AOPEP: variants seen among roughly 807,000 people sequenced by gnomAD.
AOPEP encodes the protein aminopeptidase O (putative), also known as aminopeptidase O.
A neutral mutation model predicts 98.1 loss-of-function variants in AOPEP; 77 were observed. The ratio of observed to expected loss-of-function variants is 0.78; its 90% CI spans 0.65 to 0.95. The LOEUF (loss-of-function observed/expected upper bound fraction) is 0.95, where lower values mean the gene tolerates loss of function less well. Among genes scored for constraint, AOPEP ranks in the 40% least tolerant of loss-of-function variants. The pLI, the probability that AOPEP is intolerant of heterozygous loss-of-function variation, is 0.00. For missense variants in AOPEP, 1,024 were observed against 1,024.7 expected, an observed-to-expected ratio of 1.00 and a Z score of 0.01; for synonymous variants, 346 against 365.3, an observed-to-expected ratio of 0.95 and a Z score of 0.60.
intron 16 of AOPEP, among the ~76,000 whole-genome samples, chr9:95,083,211 C>T (rs981866191): frequency 1.3e-5 from 2 of 152,122 alleles, no homozygotes; most frequent in South Asian, 2.1e-4. Context: ...GGGCTGTCCA[C>T]GCCTGGTCAT....
At chr9:95,046,827 C>T (rs2065907581) in intron 13 of AOPEP, among the ~76,000 whole-genome samples, 1 of 152,186 alleles carries the variant, frequency 6.6e-6, no homozygotes, top group Non-Finnish European at 1.5e-5. Context: ...GTAAGAATGT[C>T]ATCTTACTTC....
intron 5 of AOPEP, among the ~76,000 whole-genome samples, chr9:94,908,107 G>A (rs778687055): frequency 6.6e-6 from 1 of 152,150 alleles, no homozygotes; most frequent in Non-Finnish European, 1.5e-5. Context: ...GAAGCTTCTC[G>A]AGAACAGAGA....
At chr9:95,043,029 T>G (rs2065472358) in intron 13 of AOPEP, among the ~76,000 whole-genome samples, 1 of 151,776 alleles carries the variant, frequency 6.6e-6, no homozygotes, top group Non-Finnish European at 1.5e-5. Context: ...TGTCAGCACT[T>G]TGGGAGATCA....
intron 5 of AOPEP, among the ~76,000 whole-genome samples, chr9:94,814,119 G>C (rs1456595609): frequency 6.6e-6 from 1 of 152,202 alleles, no homozygotes; most frequent in African/African-American, 2.4e-5. Context: ...TTTCAAACTT[G>C]CAGTTTAATC....
At chr9:94,768,909 G>A (rs560840209) in intron 2 of AOPEP, among the ~76,000 whole-genome samples, 1 of 152,254 alleles carries the variant, frequency 6.6e-6, no homozygotes, top group Non-Finnish European at 1.5e-5. Flanking sequence ...TATCCTATGA[G>A]CATTTTAGCA....
chr9:94,960,411 G>GA (rs1187483489), intron 9 of AOPEP, among the ~76,000 whole-genome samples: 1 of 146,124 alleles, frequency 6.8e-6, no homozygotes, highest in East Asian at 2.0e-4. Context: ...TCCATCTCAG[G>GA]GAAAAAAAAA....
At chr9:94,817,912 GT>G (rs1284720408) in intron 5 of AOPEP, among the ~76,000 whole-genome samples, 1 of 152,200 alleles carries the variant, frequency 6.6e-6, no homozygotes, top group Non-Finnish European at 1.5e-5. Context: ...CAGGGTCAGT[GT>G]TTTGGCACAG....
At chr9:94,932,656 G>T (rs1775419465) in intron 7 of AOPEP, 1 of 243,748 alleles carries the variant, frequency 4.1e-6, no homozygotes, top group African/African-American at 2.3e-5. Context: ...GCTAATTTTT[G>T]TATTTTTAGT....
intron 2 of AOPEP, chr9:94,763,180 A>G: frequency 2.4e-6 from 1 of 417,476 alleles, no homozygotes; most frequent in South Asian, 1.9e-5. Flanking sequence ...CTCAAGTGAG[A>G]AAGAGAATGA....
intron 10 of AOPEP, among the ~76,000 whole-genome samples, chr9:94,978,009 G>A (rs919767402): frequency 6.6e-6 from 1 of 152,106 alleles, no homozygotes. Flanking sequence ...GCGACCAATA[G>A]GGGGAAAGAA....
chr9:95,021,491 T>C (rs1180697890), intron 13 of AOPEP, among the ~76,000 whole-genome samples: 1 of 152,200 alleles, frequency 6.6e-6, no homozygotes, highest in Non-Finnish European at 1.5e-5. Context: ...TGGTCAACAA[T>C]AGCATTACCT....
At chr9:95,123,575 C>T in the AOPEP span, 1 of 574,144 alleles carries the variant, frequency 1.7e-6, no homozygotes, top group Non-Finnish European at 3.4e-6. Flanking sequence ...CGGCCACGTG[C>T]AGCCTATTTG....
chr9:95,114,975 C>T, the AOPEP span, among the ~76,000 whole-genome samples: 96 of 152,248 alleles, frequency 6.3e-4, no homozygotes, highest in Non-Finnish European at 1.2e-3. Context: ...CACGATCTTG[C>T]TTGGTCAGAG....
intron 2 of AOPEP, among the ~76,000 whole-genome samples, chr9:94,762,169 C>A (rs1248532021): frequency 6.6e-6 from 1 of 152,170 alleles, no homozygotes; most frequent in Non-Finnish European, 1.5e-5. Flanking sequence ...TAAAGAGGGC[C>A]AGGCGCGGTG....
At chr9:94,948,055 T>A (rs1051158047) in intron 7 of AOPEP, among the ~76,000 whole-genome samples, 48 of 152,334 alleles carry the variant, frequency 3.2e-4, no homozygotes, top group Middle Eastern at 3.4e-3. Context: ...GTTAATTTTT[T>A]AAAAACTCTT....
the AOPEP span, chr9:95,123,320 T>A: frequency 4.7e-4 from 140 of 298,790 alleles, 2 homozygotes; most frequent in African/African-American, 3.0e-3. Context: ...TAAAATAAAA[T>A]AAAAATATAT....
At chr9:94,957,164 C>T (rs937614163) in intron 9 of AOPEP, among the ~76,000 whole-genome samples, 1 of 152,102 alleles carries the variant, frequency 6.6e-6, no homozygotes, top group East Asian at 1.9e-4. Context: ...TCTTACTGCT[C>T]TCTTAACCAA....
chr9:95,041,843 C>G (rs1200442383), intron 13 of AOPEP, among the ~76,000 whole-genome samples: 1 of 152,138 alleles, frequency 6.6e-6, no homozygotes, highest in African/African-American at 2.4e-5. Flanking sequence ...GCCCGTAGAC[C>G]TCCTATCTAG....
intron 5 of AOPEP, among the ~76,000 whole-genome samples, chr9:94,806,863 G>A (rs904792036): frequency 2.0e-5 from 3 of 152,138 alleles, no homozygotes; most frequent in Admixed American, 6.5e-5. Context: ...TTTACAGAGC[G>A]GGTATTAAGA....
Sources: gnomAD v4.1 joint callset for allele counts (sites outside exome capture counted in the v4.1 genomes callset) on GRCh38, gnomAD v4.1.1 for gene constraint, MANE v1.5 for transcripts, NCBI Gene and HGNC (gene_info 2026-07-23, HGNC 2026-07-21) for gene names.